Variants in FCGR3A observed in about 807,000 individuals in gnomAD.
The protein encoded by FCGR3A is Fc gamma receptor IIIa, also known as low affinity immunoglobulin gamma Fc region receptor III-A.
FCGR3A carries 13 observed loss-of-function variants against 24.1 expected under a neutral mutation model. That is an observed-to-expected ratio of 0.54 (90% CI 0.35 to 0.86). FCGR3A has a LOEUF of 0.86. Ranked by LOEUF, FCGR3A falls within the 40% of genes least tolerant of loss-of-function variation. FCGR3A has a pLI of 0.01. For synonymous variants in FCGR3A, 93 were observed against 112.2 expected, an observed-to-expected ratio of 0.83 and a Z score of 1.08; for missense variants, 235 against 298.0, an observed-to-expected ratio of 0.79 and a Z score of 1.56.
At chr1:161,550,676 G>A (rs552552980), upstream of FCGR3A, 5 of 152,570 alleles carry the variant, frequency 3.3e-5, no homozygotes, top group South Asian at 8.3e-4. Flanking sequence ...TGGGAGGGTT[G>A]TTAACCTCTT....
chr1:161,548,929 A>G (rs1677602823), intron 2 of FCGR3A, 82 bp downstream of exon 2: 1 of 1,475,814 alleles, frequency 6.8e-7, no homozygotes, highest in African/African-American at 1.4e-5. Flanking sequence ...TTTCCCATTC[A>G]ACAAGCATTT....
intron 3 of FCGR3A, among the ~76,000 whole-genome samples, chr1:161,546,830 G>C (rs528580805): frequency 6.6e-6 from 1 of 151,850 alleles, no homozygotes; most frequent in Non-Finnish European, 1.5e-5. Flanking sequence ...GCTTGAACCC[G>C]GGAGGTGGAG....
chr1:161,543,616 T>G (rs56150752), intron 4 of FCGR3A, among the ~76,000 whole-genome samples: 14,447 of 150,520 alleles, frequency 0.096, 755 homozygotes, highest in Middle Eastern at 0.18. Flanking sequence ...CCAGAATAGT[T>G]TAATCTCGTA....
At position 161,542,928 on chromosome 1, in the gene FCGR3A, G is replaced by C; in HGVS notation, c.*84C>G. Reference sequence around the variant, plus strand: ...TATGTTTCCTGCTGCTTGTAGAGAGGCCTGAGGATGATGGGGTTGCAAATC... The same window carrying C: ...TATGTTTCCTGCTGCTTGTAGAGAGCCCTGAGGATGATGGGGTTGCAAATC... On this transcript the variant is annotated 3_prime_UTR_variant, in exon 5 of 5. Transcript: ENST00000443193. 9.5e-7 allele frequency: 1 copy of C among 1,048,330 alleles called. No homozygotes were observed. The highest frequency in any genetic ancestry group is 1.6e-5 in the South Asian group (1 of 63,980). The allele number at this position is 1,048,330 out of a possible 1,614,324, so 64.9% of individuals were successfully genotyped here. A position where few individuals can be genotyped will look rare whatever the true frequency, so the allele number is the denominator to read the frequency against.
chr1:161,549,631 A>G, intron 1 of FCGR3A, 66 bp downstream of exon 1: 2 of 1,600,012 alleles, frequency 1.2e-6, no homozygotes, highest in Non-Finnish European at 1.7e-6. Flanking sequence ...CGTAGCCTGA[A>G]AAGGGGTCTC....
chr1:161,546,185 A>C (rs1342009718), intron 3 of FCGR3A, among the ~76,000 whole-genome samples: 1 of 152,100 alleles, frequency 6.6e-6, no homozygotes, highest in Admixed American at 6.6e-5. Flanking sequence ...CCAAACAGAA[A>C]GTAATCTTCA....
chr1:161,544,656 C>T (rs1677295110), intron 4 of FCGR3A, 45 bp downstream of exon 4: 1 of 1,597,558 alleles, frequency 6.3e-7, no homozygotes, highest in Non-Finnish European at 8.5e-7. Flanking sequence ...TTGCAGGTTC[C>T]ACACACAGGC....
rs770473456 is a variant in FCGR3A at position 161,549,811 on chromosome 1, A to G, written c.-75T>C. Reference sequence around the variant, plus strand: ...GGGACCAAACCGACTAGACAGGAGGAAGTAAACAGCCTTTCCCCAGCCCCT... The same window carrying G: ...GGGACCAAACCGACTAGACAGGAGGGAGTAAACAGCCTTTCCCCAGCCCCT... On this transcript the variant is annotated 5_prime_UTR_variant, in exon 1 of 5. Transcript: ENST00000443193. The G allele has an allele frequency of 1.4e-4, 231 of 1,613,606 alleles. 3 individuals are homozygous for G. Among genetic ancestry groups the G allele is most frequent in the Non-Finnish European group, 1.8e-4 (209 of 1,179,830 alleles).
rs908632263 is a variant in FCGR3A, at chr1:161,545,065, T to C, written c.320-107A>G. The C allele has an allele frequency of 1.2e-5, 17 of 1,461,538 alleles. No individual in the cohort carries two copies. The Middle Eastern group carries it at 5.8e-4, about 49-fold the overall frequency. 90.5% of individuals were successfully genotyped at this position (1,461,538 alleles called of 1,614,324 possible). ...TCCTGAGACATAAGGGAAAGCCAGA[T>C]TGGGAGTCAACCCTGCATAGCTCCC... On this transcript the variant is annotated intron_variant, in intron 3 of 4. Transcript: ENST00000443193.
rs1481868826 is a variant in FCGR3A at position 161,543,022 on chromosome 1, T to G, written c.755A>C (p.Gln252Pro). ...DHKFKWRKDPQDK is the reference protein window; with the variant it reads ...DHKFKWRKDPPDK ...CCCATGGGATGGGGGTCATTTGTCT[T>G]GAGGGTCCTTTCTCCATTTAAATTT... The change falls in exon 5 of 5, where the codon CAA becomes CCA. Residue 252 changes from glutamine (Q) to proline (P), a missense_variant. By Grantham distance (76) the Gln-to-Pro change is moderately conservative. Coordinates refer to ENST00000443193, the MANE Select transcript of FCGR3A (RefSeq NM_000569.8). 1 of 1,611,448 alleles carries G rather than the reference T, an allele frequency of 6.2e-7. No individual in the cohort carries two copies. Among genetic ancestry groups the G allele is most frequent in the Admixed American group, 1.7e-5 (1 of 59,676 alleles).
At chr1:161,543,676 T>C (rs1344775920) in intron 4 of FCGR3A, among the ~76,000 whole-genome samples, 1 of 152,256 alleles carries the variant, frequency 6.6e-6, no homozygotes, top group African/African-American at 2.4e-5. Context: ...CCATTTGCTT[T>C]ATTTGCTCTC....
intron 3 of FCGR3A, among the ~76,000 whole-genome samples, chr1:161,548,215 A>G (rs371940963): frequency 2.6e-5 from 4 of 152,300 alleles, no homozygotes; most frequent in South Asian, 2.1e-4. Context: ...CAGCAGTCCT[A>G]TATCTACTGT....
chr1:161,545,569 G>C (rs904695313), intron 3 of FCGR3A: 1 of 152,836 alleles, frequency 6.5e-6, no homozygotes, highest in Non-Finnish European at 1.5e-5. Context: ...GCCTCGGTGA[G>C]ACCAACTTTA....
chr1:161,549,706 G>A lies in FCGR3A; in HGVS notation c.31C>T (p.Leu11=). 6.2e-7 allele frequency: 1 copy of A among 1,613,866 alleles called. No homozygotes were observed. The highest frequency in any genetic ancestry group is 1.3e-5 in the African/African-American group (1 of 74,992). ...GGAGACCCTGACTTACCTAGAAGTA[G>A]CAGAGCAGTTGGGAGGAGCAGCTGC... MWQLLLPTAL[L]LLVSAGMRTE... Residue 11 remains leucine (L), a synonymous_variant, in exon 1 of 5, where the codon CTA becomes TTA. Coordinates refer to ENST00000443193, the MANE Select transcript of FCGR3A (RefSeq NM_000569.8).
chr1:161,542,859 C>T lies in FCGR3A; in HGVS notation c.*153G>A. ...TGGGCTTTTCCCTTCCACTGGAGAC[C>T]AAGGAAAAGTCGAGAGTTGGATAAG... is the stretch of plus-strand genomic sequence containing the variant. On this transcript the variant is annotated 3_prime_UTR_variant, in exon 5 of 5. Transcript: ENST00000443193. The T allele has an allele frequency of 1.7e-6, 1 of 600,628 alleles. No individual in the cohort carries two copies. Among genetic ancestry groups the T allele is most frequent in the Non-Finnish European group, 2.9e-6 (1 of 350,790 alleles). The allele number at this position is 600,628 out of a possible 1,614,324, so 37.2% of individuals were successfully genotyped here. A position where few individuals can be genotyped will look rare whatever the true frequency, so the allele number is the denominator to read the frequency against.
chr1:161,546,475 A>G (rs1572017248), intron 3 of FCGR3A, among the ~76,000 whole-genome samples: 1 of 152,120 alleles, frequency 6.6e-6, no homozygotes, highest in Non-Finnish European at 1.5e-5. Flanking sequence ...CTCAGCCTCA[A>G]AGAATCTACA....
At chr1:161,549,923 T>C, upstream of FCGR3A, 1 of 1,536,344 alleles carries the variant, frequency 6.5e-7, no homozygotes. Context: ...AGCCCCACCA[T>C]AGAACAGGAC....
At chr1:161,550,456 C>T (rs2102539383), upstream of FCGR3A, 1 of 158,478 alleles carries the variant, frequency 6.3e-6, no homozygotes, top group African/African-American at 2.4e-5. Flanking sequence ...CCTGGAAGAA[C>T]AAGTCACCAG....
At chr1:161,547,544 A>G (rs3767649) in intron 3 of FCGR3A, among the ~76,000 whole-genome samples, 4 of 151,902 alleles carry the variant, frequency 2.6e-5, no homozygotes, top group African/African-American at 7.2e-5. Context: ...AGTACACAAG[A>G]ACTTTCATGT....
Sources: allele counts gnomAD v4.1 joint callset (sites outside exome capture counted in the v4.1 genomes callset), GRCh38; gene constraint gnomAD v4.1.1; transcripts MANE v1.5; gene names NCBI Gene and HGNC (gene_info 2026-07-23, HGNC 2026-07-21).